PALD1: variants seen among roughly 807,000 people sequenced by gnomAD.
PALD1 encodes the protein phosphatase domain containing paladin 1, also known as paladin.
Under a neutral mutation model 96.0 loss-of-function variants are expected in PALD1, and 57 were observed. The ratio of observed to expected loss-of-function variants is 0.59; its 90% confidence interval spans 0.48 to 0.74. PALD1 has a LOEUF of 0.74. PALD1 is among the 30% of genes least tolerant of loss of function. The pLI is 0.00. For synonymous variants in PALD1, 464 were observed against 473.6 expected, an observed-to-expected ratio of 0.98 and a Z score of 0.26; for missense variants, 1,063 against 1,143.7, an observed-to-expected ratio of 0.93 and a Z score of 1.02.
chr10:70,541,446 C>T lies in PALD1; in HGVS notation c.2050-17C>T. ...CGTTGGGAGGGGGCTTCTGTCTCAGCAGCTGTCTTCCCTCAGGGCTTCCCC... is the reference window on the plus strand; with the variant it reads ...CGTTGGGAGGGGGCTTCTGTCTCAGTAGCTGTCTTCCCTCAGGGCTTCCCC... On this transcript the variant is annotated splice_polypyrimidine_tract_variant and intron_variant, in intron 16 of 19. Coordinates refer to ENST00000263563, the MANE Select transcript of PALD1 (RefSeq NM_014431.3). The T allele has an allele frequency of 6.2e-7, 1 of 1,612,000 alleles. No homozygotes were observed. The highest frequency in any genetic ancestry group is 8.5e-7 in the Non-Finnish European group (1 of 1,178,338).
intron 1 of PALD1, among the ~76,000 whole-genome samples, chr10:70,521,599 C>A (rs1407146465): frequency 1.3e-5 from 2 of 151,990 alleles, no homozygotes; most frequent in Non-Finnish European, 2.9e-5. Context: ...GTGGCATGAT[C>A]TCGGCTCACT....
In PALD1 at chr10:70,481,186, A is replaced by G. The variant is rs1461483649; in HGVS notation, c.-30+2127A>G. 2.0e-5 allele frequency among the ~76,000 whole-genome samples: 3 copies of G among 152,190 alleles called. No individual in the cohort carries two copies. In the East Asian group the frequency reaches 5.8e-4, roughly 29 times the overall value. On this transcript the variant is annotated intron_variant, in intron 1 of 19. Coordinates refer to ENST00000263563, the MANE Select transcript of PALD1 (RefSeq NM_014431.3). ...GAAGCCGCTCAAGTGCCTGGGCAGA[A>G]TGGAGTTGGCTGTGAGCTCCTGGGG...
Position 70,538,374 on chromosome 10 carries a change from T to C in PALD1, c.1418T>C (p.Val473Ala). ...LPVTLSSAGPVAPRDLIARGS... is the reference protein window; with the variant it reads ...LPVTLSSAGPAAPRDLIARGS... ...GTGACGCTGAGCTCAGCAGGCCCTG[T>C]GGCTCCGAGGGACCTCATCGCCAGG... The change falls in exon 12 of 20, where the codon GTG (valine) becomes GCG (alanine). Residue 473 changes from valine (V) to alanine (A), a missense_variant. Transcript: ENST00000263563. 6.2e-7 allele frequency: 1 copy of C among 1,611,554 alleles called. No homozygotes were observed. Among genetic ancestry groups the C allele is most frequent in the Non-Finnish European group, 8.5e-7 (1 of 1,179,954 alleles).
At chr10:70,556,306 CTG>C (rs1491407986) in intron 18 of PALD1, among the ~76,000 whole-genome samples, 7 of 137,360 alleles carry the variant, frequency 5.1e-5, no homozygotes, top group African/African-American at 1.6e-4. Flanking sequence ...CTCTCTCTCT[CTG>C]TCTCTGTCTC....
rs750805479 is a variant in PALD1, at chr10:70,539,210, G to A, written c.1688G>A (p.Arg563Gln). The A allele has an allele frequency of 5.6e-6, 9 of 1,612,038 alleles. No homozygotes were observed. In the Admixed American group the frequency reaches 1.0e-4, roughly 18 times the overall value. The change falls in exon 14 of 20, where the codon CGG becomes CAG. Residue 563 changes from arginine to glutamine, a missense_variant. Coordinates refer to ENST00000263563, the MANE Select transcript of PALD1 (RefSeq NM_014431.3). The surrounding 1 kb of genome is among the most constrained non-coding windows in gnomAD (Gnocchi z 4.5). ...TGTGACGGGCACACCTACAGCCTGC[G>A]GTGGCCTGGGCCCCCTGTGGCTCCT... is the stretch of plus-strand genomic sequence containing the variant. ...LECDGHTYSLRWPGPPVAPDQ... is the reference protein window; with the variant it reads ...LECDGHTYSLQWPGPPVAPDQ...
At chr10:70,530,119 G>A (rs1186207150) in intron 4 of PALD1, 51 bp downstream of exon 4, 1 of 1,438,984 alleles carries the variant, frequency 6.9e-7, no homozygotes, top group Non-Finnish European at 9.3e-7. Context: ...GCCAGGGAGA[G>A]GGGCACCTTG....
intron 18 of PALD1, among the ~76,000 whole-genome samples, chr10:70,559,947 C>T (rs1449672408): frequency 1.3e-5 from 2 of 152,236 alleles, no homozygotes; most frequent in Non-Finnish European, 2.9e-5. Flanking sequence ...GCTCACTGAG[C>T]GCCTGCCACA....
At chr10:70,534,168 C>A in intron 8 of PALD1, 95 bp downstream of exon 8, 1 of 1,362,320 alleles carries the variant, frequency 7.3e-7, no homozygotes, top group Non-Finnish European at 9.8e-7. Context: ...GAGCCCAGAG[C>A]CAGAGCTGGA....
chr10:70,547,282 C>A, intron 17 of PALD1, 24 bp from the exon 18 acceptor site: 1 of 1,611,544 alleles, frequency 6.2e-7, no homozygotes, highest in Non-Finnish European at 8.5e-7. Flanking sequence ...TTTATGTCTG[C>A]TCACCCCCCT....
chr10:70,516,281 A>G (rs559545642), intron 1 of PALD1, among the ~76,000 whole-genome samples: 10 of 151,428 alleles, frequency 6.6e-5, no homozygotes, highest in Middle Eastern at 3.4e-3. Flanking sequence ...CAGGCGTGCA[A>G]CCACCACGCC....
chr10:70,552,337 C>T (rs1018269148), intron 18 of PALD1, among the ~76,000 whole-genome samples: 2 of 152,136 alleles, frequency 1.3e-5, no homozygotes, highest in Non-Finnish European at 2.9e-5. Flanking sequence ...TCTTTCCTGT[C>T]GTCTTCTGGG....
chr10:70,556,279 C>CCTCTCTCTCTCTCTCTCT (rs112574716), intron 18 of PALD1, among the ~76,000 whole-genome samples: 99 of 128,722 alleles, frequency 7.7e-4, no homozygotes, highest in African/African-American at 2.6e-3. Context: ...GTAGCCGAGA[C>CCTCTCTCTCTCTCTCTCT]CTCTCTCTCT....
chr10:70,500,815 T>C (rs1257523333), intron 1 of PALD1, among the ~76,000 whole-genome samples: 1 of 152,096 alleles, frequency 6.6e-6, no homozygotes, highest in Non-Finnish European at 1.5e-5. Flanking sequence ...GCCGGTGCAA[T>C]ATGGCCCTCT....
At chr10:70,520,279 T>C (rs1846703339) in intron 1 of PALD1, among the ~76,000 whole-genome samples, 1 of 150,604 alleles carries the variant, frequency 6.6e-6, no homozygotes, top group African/African-American at 2.5e-5. Flanking sequence ...TGGGAGGTTG[T>C]GGCTGCTGCA....
chr10:70,523,068 G>C (rs931207778), intron 1 of PALD1, among the ~76,000 whole-genome samples: 3 of 152,244 alleles, frequency 2.0e-5, no homozygotes, highest in South Asian at 2.1e-4. Flanking sequence ...AGGTGGGCTT[G>C]ATTTTCAAAG....
chr10:70,505,603 TCAAAACAAAA>T (rs71472970), intron 1 of PALD1, among the ~76,000 whole-genome samples: 49,781 of 149,854 alleles, frequency 0.33, 8,637 homozygotes, highest in East Asian at 0.47. Context: ...AAACTCTGTC[TCAAAACAAAA>T]CAAAACAAAA....
chr10:70,541,173 C>G lies in PALD1; in HGVS notation c.1980C>G (p.Ser660Arg). The change falls in exon 16 of 20, where the codon AGC becomes AGG. Residue 660 changes from serine (S) to arginine (R), a missense_variant. Physicochemically the swap from Ser to Arg is moderately radical, Grantham distance 110 (BLOSUM62 -1). Transcript: ENST00000263563. Reference protein sequence around the residue: ...SKDPGTGFVFSCLSGQGRTTT... With the variant: ...SKDPGTGFVFRCLSGQGRTTT... ...ACCCAGGCACTGGCTTCGTGTTCAG[C>G]TGCCTCAGCGGCCAGGGCCGTACCA... The G allele has an allele frequency of 2.5e-6, 4 of 1,613,946 alleles. No homozygotes were observed. In the South Asian group the frequency reaches 4.4e-5, roughly 18 times the overall value.
the PALD1 span, among the ~76,000 whole-genome samples, chr10:70,460,112 C>T: frequency 1.3e-5 from 2 of 152,214 alleles, no homozygotes; most frequent in Non-Finnish European, 2.9e-5. Flanking sequence ...TCTTAGCTTT[C>T]GTGCGGCTAA....
intron 1 of PALD1, among the ~76,000 whole-genome samples, chr10:70,483,338 TG>T (rs1172900398): frequency 1.3e-5 from 2 of 152,194 alleles, no homozygotes; most frequent in Non-Finnish European, 2.9e-5. Context: ...TGCCCCTGCC[TG>T]GGCTGAAGCT....
Sources: allele counts gnomAD v4.1 joint callset (sites outside exome capture counted in the v4.1 genomes callset), GRCh38; gene constraint gnomAD v4.1.1; non-coding constraint Gnocchi (gnomAD v3.1); transcripts MANE v1.5; gene names NCBI Gene and HGNC (gene_info 2026-07-23, HGNC 2026-07-21).